The following AUTS2 variants were observed in gnomAD, a reference collection of about 807,000 sequenced individuals.
AUTS2 encodes autism susceptibility gene 2 protein.
AUTS2 carries 17 observed loss-of-function variants against 112.4 expected under a neutral mutation model. That is an observed-to-expected ratio of 0.15 (90% CI 0.10 to 0.23). AUTS2 has a LOEUF of 0.23. AUTS2 is among the 10% of genes least tolerant of loss of function. AUTS2 has a pLI of 1.00. For synonymous variants in AUTS2, 751 were observed against 702.7 expected (o/e 1.07, Z -1.09); for missense variants, 1,510 against 1,701.6 (o/e 0.89, Z 1.98).
At chr7:69,841,832 T>C (rs541482723) in intron 1 of AUTS2, among the ~76,000 whole-genome samples, 1 of 152,346 alleles carries the variant, frequency 6.6e-6, no homozygotes, top group Non-Finnish European at 1.5e-5. Context: ...CATTAGGAAC[T>C]TAATGTCTTA....
At chr7:70,196,850 A>C (rs535282887) in intron 4 of AUTS2, among the ~76,000 whole-genome samples, 77 of 152,328 alleles carry the variant, frequency 5.1e-4, no homozygotes, top group African/African-American at 1.7e-3. Context: ...CTTGTGAAGT[A>C]AGAAAAGGTA....
chr7:70,276,613 A>G (rs1787941918), intron 4 of AUTS2, among the ~76,000 whole-genome samples: 1 of 152,124 alleles, frequency 6.6e-6, no homozygotes, highest in Non-Finnish European at 1.5e-5. Context: ...TCCTGAATTC[A>G]GGTGACCTGC....
At chr7:70,534,132 A>G (rs1430612227) in intron 5 of AUTS2, among the ~76,000 whole-genome samples, 1 of 152,202 alleles carries the variant, frequency 6.6e-6, no homozygotes, top group Non-Finnish European at 1.5e-5. Context: ...CCACATCGGC[A>G]GGCTTCCAGC....
At chr7:70,208,437 AGGACT>A (rs2129587028) in intron 4 of AUTS2, among the ~76,000 whole-genome samples, 1 of 152,280 alleles carries the variant, frequency 6.6e-6, no homozygotes, top group South Asian at 2.1e-4. Flanking sequence ...CAGTATTCCA[AGGACT>A]TTTAGAGTAA....
intron 5 of AUTS2, among the ~76,000 whole-genome samples, chr7:70,565,396 T>C (rs1244821607): frequency 1.3e-5 from 2 of 152,312 alleles, no homozygotes; most frequent in East Asian, 3.9e-4. Flanking sequence ...AAGGTTACTA[T>C]GCACAGGGAG....
chr7:69,646,800 AC>A (rs1191283810), intron 1 of AUTS2, among the ~76,000 whole-genome samples: 1 of 152,056 alleles, frequency 6.6e-6, no homozygotes, highest in Non-Finnish European at 1.5e-5. Context: ...AAACATAGTG[AC>A]CTTGACCGGG....
intron 4 of AUTS2, among the ~76,000 whole-genome samples, chr7:70,214,512 A>G (rs994485328): frequency 1.3e-5 from 2 of 152,350 alleles, no homozygotes; most frequent in Non-Finnish European, 2.9e-5. Context: ...ACACATACAG[A>G]TGCCAATAAT....
At chr7:70,184,621 A>T (rs1399840884) in intron 4 of AUTS2, among the ~76,000 whole-genome samples, 1 of 152,140 alleles carries the variant, frequency 6.6e-6, no homozygotes, top group Non-Finnish European at 1.5e-5. Flanking sequence ...CTTCTTTTAG[A>T]CTACACAGGG....
intron 1 of AUTS2, among the ~76,000 whole-genome samples, chr7:69,769,687 C>T (rs1054194956): frequency 6.6e-6 from 1 of 152,076 alleles, no homozygotes; most frequent in Non-Finnish European, 1.5e-5. Context: ...GTGAACAGGG[C>T]GATGTATTGC....
intron 1 of AUTS2, among the ~76,000 whole-genome samples, chr7:69,602,442 G>A (rs1321038459): frequency 6.6e-6 from 1 of 152,100 alleles, no homozygotes; most frequent in Non-Finnish European, 1.5e-5. Context: ...TTAAAATTCT[G>A]TAGAAAAAAT....
chr7:70,726,983 G>A (rs991688244), intron 6 of AUTS2, among the ~76,000 whole-genome samples: 3 of 152,212 alleles, frequency 2.0e-5, no homozygotes, highest in Admixed American at 6.5e-5. Context: ...GAGTAGGTAG[G>A]TAGGCTTGTG....
chr7:70,548,490 C>CGTT (rs1407977793), intron 5 of AUTS2, among the ~76,000 whole-genome samples: 1 of 151,988 alleles, frequency 6.6e-6, no homozygotes, highest in Non-Finnish European at 1.5e-5. Flanking sequence ...AACTCTTTGC[C>CGTT]TAACCTAAGG....
intron 2 of AUTS2, among the ~76,000 whole-genome samples, chr7:70,042,798 C>G (rs1801304490): frequency 6.6e-6 from 1 of 152,104 alleles, no homozygotes; most frequent in African/African-American, 2.4e-5. Context: ...TATTTGAGGT[C>G]TTGTGGTTCT....
chr7:70,558,996 T>A (rs1801366372), intron 5 of AUTS2, among the ~76,000 whole-genome samples: 1 of 152,192 alleles, frequency 6.6e-6, no homozygotes, highest in Admixed American at 6.5e-5. Context: ...ATAATCCCCA[T>A]ACGTTGTGGG....
intron 5 of AUTS2, among the ~76,000 whole-genome samples, chr7:70,687,052 A>T (rs78199950): frequency 0.013 from 1,986 of 151,726 alleles, 37 homozygotes; most frequent in African/African-American, 0.045. Flanking sequence ...CCACCCCCCA[A>T]CTCTGCCCCA....
chr7:70,688,813 G>A (rs765046427), intron 5 of AUTS2, among the ~76,000 whole-genome samples: 4 of 152,190 alleles, frequency 2.6e-5, no homozygotes, highest in Non-Finnish European at 5.9e-5. Context: ...AACACAGCAA[G>A]ACGCCATCTC....
chr7:70,055,832 A>G (rs1801966747), intron 2 of AUTS2, among the ~76,000 whole-genome samples: 1 of 152,116 alleles, frequency 6.6e-6, no homozygotes, highest in Non-Finnish European at 1.5e-5. Flanking sequence ...AGATGTACCA[A>G]GTTTCTTCCT....
At chr7:70,348,952 TAAA>T in intron 4 of AUTS2, among the ~76,000 whole-genome samples, 1 of 152,244 alleles carries the variant, frequency 6.6e-6, no homozygotes, top group East Asian at 1.9e-4. Context: ...ATGAAGAAAA[TAAA>T]GAACAATATT....
At chr7:70,612,963 G>A (rs1393314472) in intron 5 of AUTS2, among the ~76,000 whole-genome samples, 1 of 152,066 alleles carries the variant, frequency 6.6e-6, no homozygotes, top group African/African-American at 2.4e-5. Flanking sequence ...AGATTTATGT[G>A]GAGGTCTGAG....
Sources: gnomAD v4.1 joint callset for allele counts (sites outside exome capture counted in the v4.1 genomes callset) on GRCh38, gnomAD v4.1.1 for gene constraint, MANE v1.5 for transcripts, NCBI Gene and HGNC (gene_info 2026-07-23, HGNC 2026-07-21) for gene names.